Variants in NUP153 observed in about 807,000 individuals in gnomAD.
NUP153 encodes the protein nuclear pore complex protein Nup153.
NUP153 carries 27 observed loss-of-function variants against 134.6 expected under a neutral mutation model. The observed-to-expected ratio is 0.20, with a 90% CI of 0.15 to 0.28. NUP153 has a LOEUF of 0.28. NUP153 is among the 10% of genes least tolerant of loss of function. The probability of loss-of-function intolerance (pLI) is 1.00; values close to 1 mark genes in which losing one functional copy is unlikely to be tolerated. For synonymous variants in NUP153, 640 were observed against 623.5 expected, an observed-to-expected ratio of 1.03 and a Z score of -0.40; for missense variants, 1,821 against 1,731.3, an observed-to-expected ratio of 1.05 and a Z score of -0.92.
intron 11 of NUP153, among the ~76,000 whole-genome samples, chr6:17,658,239 T>C (rs912432778): frequency 1.3e-5 from 2 of 152,074 alleles, no homozygotes; most frequent in African/African-American, 4.8e-5. Flanking sequence ...TCGCTAAAAA[T>C]ACAAAAAATT....
chr6:17,633,404 C>T (rs1294938735), intron 16 of NUP153, among the ~76,000 whole-genome samples: 1 of 152,218 alleles, frequency 6.6e-6, no homozygotes. Context: ...TTGACACCTA[C>T]TACATTCCTG....
intron 11 of NUP153, among the ~76,000 whole-genome samples, chr6:17,660,456 CAGA>C: frequency 6.6e-6 from 1 of 152,174 alleles, no homozygotes; most frequent in Non-Finnish European, 1.5e-5. Context: ...AATATATAGA[CAGA>C]AAGGTTAATG....
At chr6:17,698,259 A>C (rs898184570) in intron 1 of NUP153, among the ~76,000 whole-genome samples, 2 of 152,170 alleles carry the variant, frequency 1.3e-5, no homozygotes, top group African/African-American at 4.8e-5. Context: ...AAATACAACC[A>C]ATAATGTCTT....
chr6:17,624,902 T>C, intron 19 of NUP153, 69 bp from the exon 20 acceptor site: 1 of 1,417,344 alleles, frequency 7.1e-7, no homozygotes, highest in Non-Finnish European at 9.4e-7. Flanking sequence ...GAAATTTCTG[T>C]AAACCCACAA....
intron 1 of NUP153, among the ~76,000 whole-genome samples, chr6:17,696,761 A>C (rs1395023829): frequency 6.6e-6 from 1 of 151,964 alleles, no homozygotes; most frequent in Non-Finnish European, 1.5e-5. Flanking sequence ...TCTCAAAAAA[A>C]TAAAACAAAT....
At chr6:17,691,775 G>A (rs866690852) in intron 1 of NUP153, among the ~76,000 whole-genome samples, 61 of 152,100 alleles carry the variant, frequency 4.0e-4, no homozygotes, top group African/African-American at 1.3e-3. Flanking sequence ...TAAAAACAAA[G>A]ACATACTTGA....
At chr6:17,704,904 C>G (rs1032588530) in intron 1 of NUP153, among the ~76,000 whole-genome samples, 4 of 152,076 alleles carry the variant, frequency 2.6e-5, no homozygotes, top group Non-Finnish European at 5.9e-5. Flanking sequence ...GGACTACAGG[C>G]GCCTGCCACC....
In NUP153 at chr6:17,632,814, G is replaced by A. The variant is rs999453151; in HGVS notation, c.2495C>T (p.Thr832Ile). ...GSSVPASSSS[T>I]VPVSLPSGGS... ...TCCAGAAGGCAGAGAGACAGGTACAGTGCTGCTACTTGAAGCAGGTACTGA... is the reference window on the plus strand; with the variant it reads ...TCCAGAAGGCAGAGAGACAGGTACAATGCTGCTACTTGAAGCAGGTACTGA... The change falls in exon 17 of 22, where the codon ACT becomes ATT. Residue 832 changes from threonine (T) to isoleucine (I), a missense_variant. Thr to Ile is a moderately conservative substitution (Grantham distance 89, BLOSUM62 -1). Transcript: ENST00000262077. The A allele has an allele frequency of 1.3e-6, 2 of 1,523,520 alleles. No homozygotes were observed. Among genetic ancestry groups the A allele is most frequent in the South Asian group, 1.1e-5 (1 of 87,280 alleles). The allele number at this position is 1,523,520 out of a possible 1,614,324, so 94.4% of individuals were successfully genotyped here.
chr6:17,681,005 C>T (rs574805147), intron 2 of NUP153, among the ~76,000 whole-genome samples: 1 of 151,918 alleles, frequency 6.6e-6, no homozygotes, highest in Non-Finnish European at 1.5e-5. Context: ...AGCCAAGATA[C>T]GGAATTGACC....
intron 14 of NUP153, among the ~76,000 whole-genome samples, chr6:17,640,482 C>T (rs910430274): frequency 9.9e-5 from 15 of 152,160 alleles, no homozygotes; most frequent in African/African-American, 3.6e-4. Context: ...TTTAGAAATT[C>T]ACACTATTAA....
chr6:17,637,325 C>T lies in NUP153; in HGVS notation c.2292G>A (p.Ser764=), dbSNP rs754375034. The change falls in exon 16 of 22, where the codon TCG becomes TCA. Residue 764 remains serine (S), a synonymous_variant. Transcript: ENST00000262077. ...AAGCAGTCATAGTCTCAGCACTTTC[C>T]GAAACCACTGTCAATGTAAGGGCTC... ...VKRALTLTVV[S]ESAETMTASS... 10 of 1,614,124 alleles carry T rather than the reference C, an allele frequency of 6.2e-6. No individual in the cohort carries two copies. Among genetic ancestry groups the T allele is most frequent in the African/African-American group, 2.7e-5 (2 of 75,016 alleles).
At chr6:17,686,882 G>A (rs1349210195) in intron 2 of NUP153, among the ~76,000 whole-genome samples, 45 of 148,680 alleles carry the variant, frequency 3.0e-4, no homozygotes, top group Non-Finnish European at 4.2e-4. Context: ...ATGGGCAGCC[G>A]GGGGCGGGCG....
intron 7 of NUP153, 102 bp downstream of exon 7, chr6:17,669,191 G>A: frequency 9.0e-7 from 1 of 1,115,932 alleles, no homozygotes; most frequent in Non-Finnish European, 1.3e-6. Flanking sequence ...TGATTCTCCT[G>A]CCTCAGCCTC....
chr6:17,655,829 C>T (rs1766779928), intron 11 of NUP153, among the ~76,000 whole-genome samples: 1 of 152,174 alleles, frequency 6.6e-6, no homozygotes, highest in South Asian at 2.1e-4. Flanking sequence ...CTCAACATAT[C>T]TGACTTCTGA....
chr6:17,639,377 C>G (rs1215183104), intron 15 of NUP153, among the ~76,000 whole-genome samples: 2 of 152,098 alleles, frequency 1.3e-5, no homozygotes, highest in Non-Finnish European at 2.9e-5. Context: ...CCGCGCCTGG[C>G]AAGTTTTACA....
intron 11 of NUP153, among the ~76,000 whole-genome samples, chr6:17,657,595 T>C (rs1766909675): frequency 6.6e-6 from 1 of 151,996 alleles, no homozygotes; most frequent in Non-Finnish European, 1.5e-5. Context: ...TGCCATGGTA[T>C]TGGCTTCTGT....
At chr6:17,676,172 A>G (rs751353614) in intron 2 of NUP153, among the ~76,000 whole-genome samples, 24 of 152,190 alleles carry the variant, frequency 1.6e-4, no homozygotes, top group Non-Finnish European at 2.9e-4. Context: ...TTTTATTTCA[A>G]TATGTCTAAT....
At chr6:17,618,835 G>A (rs942899332) in intron 20 of NUP153, among the ~76,000 whole-genome samples, 1 of 152,136 alleles carries the variant, frequency 6.6e-6, no homozygotes, top group South Asian at 2.1e-4. Flanking sequence ...CAAAGTGCTG[G>A]GATTACAGGC....
intron 11 of NUP153, among the ~76,000 whole-genome samples, chr6:17,650,197 A>G (rs191435536): frequency 2.0e-5 from 3 of 152,334 alleles, no homozygotes; most frequent in Admixed American, 6.5e-5. Flanking sequence ...GCAAGAAGAA[A>G]CTGGATGGGA....
Sources: gnomAD v4.1 joint callset for allele counts (sites outside exome capture counted in the v4.1 genomes callset) on GRCh38, gnomAD v4.1.1 for gene constraint, MANE v1.5 for transcripts, NCBI Gene and HGNC (gene_info 2026-07-23, HGNC 2026-07-21) for gene names.